The following DNAH9 variants were observed in gnomAD, a reference collection of about 807,000 sequenced individuals.
DNAH9 encodes the protein DNAH9 variant protein.
Under a neutral mutation model 471.6 loss-of-function variants are expected in DNAH9, and 345 were observed. The observed-to-expected ratio is 0.73, with a 90% CI of 0.67 to 0.80. DNAH9 has a LOEUF of 0.80. Among genes scored for constraint, DNAH9 ranks in the 30% least tolerant of loss-of-function variants. The probability of loss-of-function intolerance (pLI) is 0.00; values close to 1 mark genes in which losing one functional copy is unlikely to be tolerated. For missense variants in DNAH9, 5,407 were observed against 5,609.2 expected (o/e 0.96, Z 1.15); for synonymous variants, 2,093 against 2,123.6 (o/e 0.99, Z 0.40).
rs755900346 is a variant in DNAH9 at position 11,744,876 on chromosome 17, G to A, written c.6191G>A (p.Arg2064Gln). 6.8e-6 allele frequency: 11 copies of A among 1,614,032 alleles called. No homozygotes were observed. The highest frequency in any genetic ancestry group is 4.4e-5 in the South Asian group (4 of 91,080). ...TCCCTGAAGAGAGGAGACCCTGACC[G>A]GCCTGAGGACCAGGTCCTGATGCGC... is the stretch of plus-strand genomic sequence containing the variant. Reference protein sequence around the residue: ...AGSLKRGDPDRPEDQVLMRSL... With the variant: ...AGSLKRGDPDQPEDQVLMRSL... Residue 2064 changes from arginine to glutamine, a missense_variant, in exon 31 of 69, where the codon CGG becomes CAG. This residue lies in a region of DNAH9 where 4,636 missense variants were observed against 4,900.3 expected (regional missense o/e 0.95). Transcript: ENST00000262442.
At chr17:11,699,653 T>TG in intron 22 of DNAH9, 78 bp from the exon 23 acceptor site, 1 of 1,312,594 alleles carries the variant, frequency 7.6e-7, no homozygotes, top group East Asian at 2.3e-5. Flanking sequence ...GATTGCCACA[T>TG]GGTAGGCCTC....
intron 3 of DNAH9, among the ~76,000 whole-genome samples, chr17:11,611,389 C>A (rs560748907): frequency 8.5e-5 from 13 of 152,224 alleles, no homozygotes; most frequent in Non-Finnish European, 1.9e-4. Context: ...AGCTAATGAC[C>A]TCCAGCTGCC....
At chr17:11,925,078 C>A in intron 62 of DNAH9, 1 of 417,316 alleles carries the variant, frequency 2.4e-6, no homozygotes, top group South Asian at 1.8e-5. Context: ...TCTCCTAGAA[C>A]ATTTTGAAAT....
intron 49 of DNAH9, among the ~76,000 whole-genome samples, chr17:11,848,590 A>C (rs1329312278): frequency 6.6e-6 from 1 of 152,038 alleles, no homozygotes; most frequent in Non-Finnish European, 1.5e-5. Context: ...ATTAATGACA[A>C]TTTGTACAAA....
In DNAH9 at chr17:11,937,607, G is replaced by A. The variant is rs1190463477; in HGVS notation, c.12660+85G>A. ...CACCTTTCTCCTGCTGGCCATTTTG[G>A]CAGTACACAGCATAGACAACACACA... is the stretch of plus-strand genomic sequence containing the variant. On this transcript the variant is annotated intron_variant, in intron 66 of 68. Coordinates refer to ENST00000262442, the MANE Select transcript of DNAH9 (RefSeq NM_001372.4). This position sits in a 1 kb window ranked among gnomAD's most constrained non-coding sequence, Gnocchi z 4.1. 1 of 1,450,308 alleles carries A rather than the reference G, an allele frequency of 6.9e-7. No individual in the cohort carries two copies. Among genetic ancestry groups the A allele is most frequent in the East Asian group, 2.4e-5 (1 of 41,580 alleles). The allele number at this position is 1,450,308 out of a possible 1,614,324, so 89.8% of individuals were successfully genotyped here.
chr17:11,598,892 C>G lies in DNAH9; in HGVS notation c.394C>G (p.His132Asp), dbSNP rs534080309. The G allele has an allele frequency of 1.2e-4, 184 of 1,538,324 alleles. No individual in the cohort carries two copies. The South Asian group carries it at 2.1e-3, about 17-fold the overall frequency. ...GGACCTGCCCGCGGCACCTCTGGAG[C>G]ACCTAGCCGCGCTGTTCTCGGAGGT... ...CGDLPAAPLEHLAALFSEVVL... is the reference protein window; with the variant it reads ...CGDLPAAPLEDLAALFSEVVL... Residue 132 changes from histidine (H) to aspartate (D), a missense_variant, in exon 1 of 69, where the codon CAC becomes GAC. Coordinates refer to ENST00000262442, the MANE Select transcript of DNAH9 (RefSeq NM_001372.4).
Position 11,923,823 on chromosome 17 carries a change from T to C in DNAH9, c.11759T>C (p.Leu3920Pro). The C allele has an allele frequency of 6.2e-7, 1 of 1,613,836 alleles. No homozygotes were observed. The highest frequency in any genetic ancestry group is 8.5e-7 in the Non-Finnish European group (1 of 1,179,866). Residue 3920 changes from leucine to proline, a missense_variant, in exon 62 of 69, where the codon CTT becomes CCT. Around this residue, in one of 3 missense-constraint regions of DNAH9, gnomAD observed 4,636 missense variants for 4,900.3 expected, o/e 0.95. Coordinates refer to ENST00000262442, the MANE Select transcript of DNAH9 (RefSeq NM_001372.4). ...TCCATCCTCCTTTTAGGAAGAAAACTTGGATACACCTTCAACAATCAGAAC... is the reference window on the plus strand; with the variant it reads ...TCCATCCTCCTTTTAGGAAGAAAACCTGGATACACCTTCAACAATCAGAAC... ...LKDVESQGRK[L>P]GYTFNNQNFH...
Position 11,701,246 on chromosome 17 carries a change from A to G in DNAH9, c.5150A>G (p.Gln1717Arg), listed in dbSNP as rs2074589199. 6.2e-7 allele frequency: 1 copy of G among 1,613,036 alleles called. No homozygotes were observed. Among genetic ancestry groups the G allele is most frequent in the Non-Finnish European group, 8.5e-7 (1 of 1,179,870 alleles). ...REQWLFDHPAQVALTCTQIWW... is the reference protein window; with the variant it reads ...REQWLFDHPARVALTCTQIWW... ...CAGTGGCTTTTTGACCACCCAGCTC[A>G]GGTATTCTCCTAATGGGATCCCCAT... is the stretch of plus-strand genomic sequence containing the variant. The change falls in exon 24 of 69, where the codon CAG (glutamine) becomes CGG (arginine). Residue 1717 changes from glutamine (Q) to arginine (R), a missense_variant and splice_region_variant. Physicochemically the swap from Gln to Arg is conservative, Grantham distance 43. Coordinates refer to ENST00000262442, the MANE Select transcript of DNAH9 (RefSeq NM_001372.4).
chr17:11,926,452 G>A lies in DNAH9; in HGVS notation c.11877+2511G>A, dbSNP rs182692625. ...CCTCAGTGTGTTTGTTCCCCGCCCCGTGTGTCCATGTGTTCTCATTGTTCA... is the reference window on the plus strand; with the variant it reads ...CCTCAGTGTGTTTGTTCCCCGCCCCATGTGTCCATGTGTTCTCATTGTTCA... On this transcript the variant is annotated intron_variant, in intron 62 of 68. Coordinates refer to ENST00000262442, the MANE Select transcript of DNAH9 (RefSeq NM_001372.4). Among the ~76,000 whole-genome samples, 32 of 152,070 alleles carry A rather than the reference G, an allele frequency of 2.1e-4. No homozygotes were observed. In the South Asian group the frequency reaches 3.7e-3, roughly 18 times the overall value.
At chr17:11,950,695 CTTCTT>C (rs1567571802) in intron 67 of DNAH9, among the ~76,000 whole-genome samples, 1 of 152,150 alleles carries the variant, frequency 6.6e-6, no homozygotes, top group African/African-American at 2.4e-5. Context: ...CACATTATCT[CTTCTT>C]ATAACAAAAC....
rs1973080028 is a variant in DNAH9, at chr17:11,892,383, G to T, written c.11283+436G>T. On this transcript the variant is annotated intron_variant, in intron 58 of 68. Coordinates refer to ENST00000262442, the MANE Select transcript of DNAH9 (RefSeq NM_001372.4). The surrounding 1 kb of genome is among the most constrained non-coding windows in gnomAD (Gnocchi z 4.3). ...CTGATGCAGCCATCCCCCGGGATAA[G>T]AAATTGCACAGGTCTTTCCACAACT... 6.6e-6 allele frequency among the ~76,000 whole-genome samples: 1 copy of T among 152,196 alleles called. No individual in the cohort carries two copies. The highest frequency in any genetic ancestry group is 1.5e-5 in the Non-Finnish European group (1 of 68,036).
rs191409911 is a variant in DNAH9, at chr17:11,867,342, T to C, written c.9934-1792T>C. ...CTCCTAGATCAGTCCTCTGTTTTCTTCCATCTTTTTGTTACTGTTTGTTTT... is the reference window on the plus strand; with the variant it reads ...CTCCTAGATCAGTCCTCTGTTTTCTCCCATCTTTTTGTTACTGTTTGTTTT... On this transcript the variant is annotated intron_variant, in intron 50 of 68. Coordinates refer to ENST00000262442, the MANE Select transcript of DNAH9 (RefSeq NM_001372.4). Among the ~76,000 whole-genome samples the C allele has an allele frequency of 2.6e-4, 40 of 152,360 alleles. No individual in the cohort carries two copies. In the South Asian group the frequency reaches 3.1e-3, roughly 12 times the overall value.
rs556841143 is a variant in DNAH9, at chr17:11,731,397, C to G, written c.5814+3475C>G. ...CACATCCTGGTCTCACAGGTCTTCT[C>G]TTTTTTTTTTTAAATTATACTTTAA... On this transcript the variant is annotated intron_variant, in intron 28 of 68. Transcript: ENST00000262442. Among the ~76,000 whole-genome samples the G allele has an allele frequency of 3.1e-3, 460 of 148,012 alleles. 1 individual carries two copies. The highest frequency in any genetic ancestry group is 9.7e-3 in the African/African-American group (394 of 40,492).
At chr17:11,926,588 C>T (rs996078448) in intron 62 of DNAH9, among the ~76,000 whole-genome samples, 8 of 152,168 alleles carry the variant, frequency 5.3e-5, no homozygotes, top group African/African-American at 1.9e-4. Context: ...GACATGATCT[C>T]GTTCCTTTTT....
At chr17:11,815,370 A>G (rs10521190) in intron 45 of DNAH9, among the ~76,000 whole-genome samples, 2,658 of 151,988 alleles carry the variant, frequency 0.017, 101 homozygotes, top group East Asian at 0.17. Flanking sequence ...CTCTATCCTC[A>G]CTACCACTGG....
Position 11,810,387 on chromosome 17 carries a change from C to T in DNAH9, c.8707+18C>T, listed in dbSNP as rs1461560659. On this transcript the variant is annotated intron_variant, in intron 45 of 68. Transcript: ENST00000262442. ...GGCATCTGGTAAGAGATTCCTTGCA[C>T]TTGGTGTCACTGATAAATTCCCCCT... 1 of 1,604,182 alleles carries T rather than the reference C, an allele frequency of 6.2e-7. No homozygotes were observed. Among genetic ancestry groups the T allele is most frequent in the South Asian group, 1.1e-5 (1 of 88,874 alleles).
chr17:11,821,356 A>G (rs1970303891), intron 45 of DNAH9, among the ~76,000 whole-genome samples: 1 of 151,614 alleles, frequency 6.6e-6, no homozygotes, highest in South Asian at 2.1e-4. Flanking sequence ...CTAATGCAGT[A>G]CCATATATTG....
At chr17:11,959,159 T>A (rs894334743) in intron 67 of DNAH9, among the ~76,000 whole-genome samples, 1 of 152,136 alleles carries the variant, frequency 6.6e-6, no homozygotes, top group Non-Finnish European at 1.5e-5. Flanking sequence ...GAAAACATAT[T>A]TAATTGTGAG....
chr17:11,751,965 A>G (rs1305547462), intron 32 of DNAH9, among the ~76,000 whole-genome samples: 1 of 152,238 alleles, frequency 6.6e-6, no homozygotes, highest in Non-Finnish European at 1.5e-5. Context: ...AATTAAAAAT[A>G]GAAGTGCAGG....
Sources: gnomAD v4.1 joint callset for allele counts (sites outside exome capture counted in the v4.1 genomes callset) on GRCh38, gnomAD v4.1.1 for gene constraint, gnomAD v4.1.1 regional missense constraint, Gnocchi (gnomAD v3.1) non-coding constraint, MANE v1.5 for transcripts, NCBI Gene and HGNC (gene_info 2026-07-23, HGNC 2026-07-21) for gene names.